The following MAST2 variants were observed in gnomAD, a reference collection of about 807,000 sequenced individuals.
The protein encoded by MAST2 is microtubule associated serine/threonine kinase 2.
A neutral mutation model predicts 147.4 loss-of-function variants in MAST2; 70 were observed. The observed-to-expected ratio is 0.47, with a 90% confidence interval of 0.39 to 0.58. The LOEUF is 0.58. Among genes scored for constraint, MAST2 ranks in the 20% least tolerant of loss-of-function variants. MAST2 has a pLI of 0.00. For missense variants in MAST2, 2,080 were observed against 2,302.3 expected (o/e 0.90, Z 1.98); for synonymous variants, 869 against 896.8 (o/e 0.97, Z 0.55).
chr1:45,934,648 C>T (rs1295301199), intron 4 of MAST2, among the ~76,000 whole-genome samples: 1 of 152,258 alleles, frequency 6.6e-6, no homozygotes, highest in Non-Finnish European at 1.5e-5. Context: ...TGGTCTCAAA[C>T]TCTGCCTCAA....
intron 10 of MAST2, among the ~76,000 whole-genome samples, chr1:46,015,803 G>A (rs1489758735): frequency 1.3e-5 from 2 of 152,082 alleles, no homozygotes; most frequent in Non-Finnish European, 2.9e-5. Context: ...GAAAAAGAGG[G>A]AATCCTCCCT....
chr1:45,873,320 A>G (rs569326500), intron 3 of MAST2, among the ~76,000 whole-genome samples: 1 of 151,830 alleles, frequency 6.6e-6, no homozygotes, highest in African/African-American at 2.4e-5. Flanking sequence ...GGTCCCCTGA[A>G]TAGTTGGGAC....
At chr1:46,019,807 A>G (rs1646109652) in intron 11 of MAST2, 110 bp downstream of exon 11, 2 of 902,482 alleles carry the variant, frequency 2.2e-6, no homozygotes, top group Non-Finnish European at 3.5e-6. Flanking sequence ...TCTGTTGCTT[A>G]GGTCCTTATT....
chr1:45,888,837 C>A (rs554915208), intron 4 of MAST2, among the ~76,000 whole-genome samples: 4 of 151,566 alleles, frequency 2.6e-5, no homozygotes, highest in African/African-American at 9.7e-5. Context: ...GTGTGCACCA[C>A]GCCTGGCTAA....
intron 3 of MAST2, among the ~76,000 whole-genome samples, chr1:45,853,718 T>C (rs1192718405): frequency 6.6e-6 from 1 of 151,350 alleles, no homozygotes; most frequent in Non-Finnish European, 1.5e-5. Flanking sequence ...TACAATCTCT[T>C]TTTTTTTTCA....
In MAST2 at chr1:46,035,074, G is replaced by A; in HGVS notation, c.4405G>A (p.Val1469Met). The change falls in exon 29 of 29, where the codon GTG (valine) becomes ATG (methionine). Residue 1469 changes from valine (V) to methionine (M), a missense_variant. Val to Met is a conservative substitution (Grantham distance 21). Around this residue, in one of 4 missense-constraint regions of MAST2, gnomAD observed 1,278 missense variants for 1,304.2 expected, o/e 0.98. Coordinates refer to ENST00000361297, the MANE Select transcript of MAST2 (RefSeq NM_015112.3). The surrounding 1 kb of genome is among the most constrained non-coding windows in gnomAD (Gnocchi z 5.5). The part of the protein sequence containing the change: ...SGKGALPGKG[V>M]LQPAPSRALG... ...CAAGGGGGCCCTGCCAGGGAAGGGG[G>A]TGCTGCAGCCTGCTCCCTCACGGGC... 1 of 1,613,792 alleles carries A rather than the reference G, an allele frequency of 6.2e-7. No individual in the cohort carries two copies. The highest frequency in any genetic ancestry group is 8.5e-7 in the Non-Finnish European group (1 of 1,179,962).
At chr1:45,883,074 C>T (rs1646918254) in intron 4 of MAST2, among the ~76,000 whole-genome samples, 2 of 152,072 alleles carry the variant, frequency 1.3e-5, no homozygotes, top group African/African-American at 4.8e-5. Flanking sequence ...GGCCCAAAAA[C>T]CTGTACTGTA....
chr1:45,980,229 C>T (rs997927659), intron 5 of MAST2, among the ~76,000 whole-genome samples: 3 of 144,678 alleles, frequency 2.1e-5, no homozygotes, highest in Non-Finnish European at 4.5e-5. Flanking sequence ...AGGTTGAAAT[C>T]GCCCCACTGC....
intron 4 of MAST2, among the ~76,000 whole-genome samples, chr1:45,902,573 A>C (rs539491695): frequency 6.6e-6 from 1 of 151,168 alleles, no homozygotes; most frequent in African/African-American, 2.4e-5. Context: ...TTCTTTGTAC[A>C]TCTGGTAGAA....
intron 3 of MAST2, among the ~76,000 whole-genome samples, chr1:45,879,467 A>T (rs969857296): frequency 1.3e-5 from 2 of 150,588 alleles, no homozygotes; most frequent in African/African-American, 4.9e-5. Flanking sequence ...CAGCTACTTG[A>T]GAGGCTGGGG....
intron 4 of MAST2, among the ~76,000 whole-genome samples, chr1:45,926,901 A>G (rs1048419293): frequency 2.6e-5 from 4 of 152,192 alleles, no homozygotes; most frequent in African/African-American, 9.7e-5. Flanking sequence ...CTAGATGCCA[A>G]ATGGTTGCTC....
intron 4 of MAST2, among the ~76,000 whole-genome samples, chr1:45,958,652 A>G (rs910626202): frequency 5.3e-5 from 8 of 151,494 alleles, no homozygotes; most frequent in Non-Finnish European, 1.0e-4. Context: ...TTTGTTCCCT[A>G]CTGCTTCCCT....
At chr1:45,894,193 G>T (rs1648335701) in intron 4 of MAST2, among the ~76,000 whole-genome samples, 1 of 151,390 alleles carries the variant, frequency 6.6e-6, no homozygotes. Context: ...TCTAGCCTGG[G>T]TGACAGTGAG....
chr1:46,031,530 C>T lies in MAST2; in HGVS notation c.3132C>T (p.Val1044=), dbSNP rs1360073715. 2 of 1,614,172 alleles carry T rather than the reference C, an allele frequency of 1.2e-6. No homozygotes were observed. Among genetic ancestry groups the T allele is most frequent in the African/African-American group, 2.7e-5 (2 of 75,048 alleles). ...DSTEKRTARP[V]NKVIKSASAT... The stretch of plus-strand genomic sequence containing the variant: ...CAGAGAAGCGCACTGCTCGCCCTGT[C>T]AACAAAGTGATCAAGTCCGCCTCAG... The change falls in exon 24 of 29, where the codon GTC becomes GTT. Residue 1044 remains valine, a synonymous_variant. Transcript: ENST00000361297. This position sits in a 1 kb window ranked among gnomAD's most constrained non-coding sequence, Gnocchi z 4.1.
chr1:45,810,394 C>T (rs777295655), intron 1 of MAST2, among the ~76,000 whole-genome samples: 13 of 152,196 alleles, frequency 8.5e-5, no homozygotes, highest in East Asian at 3.9e-4. Context: ...AGGGAAGCTG[C>T]GTAATATATA....
intron 5 of MAST2, among the ~76,000 whole-genome samples, chr1:45,965,046 T>G (rs918288765): frequency 6.6e-6 from 1 of 152,230 alleles, no homozygotes; most frequent in Non-Finnish European, 1.5e-5. Flanking sequence ...AGTTTCTTAA[T>G]CCTGAGTTCT....
intron 3 of MAST2, among the ~76,000 whole-genome samples, chr1:45,831,909 A>G (rs950691517): frequency 1.3e-5 from 2 of 151,226 alleles, no homozygotes; most frequent in Admixed American, 1.3e-4. Context: ...CCTCCCAAGT[A>G]GCTGGGATTA....
intron 3 of MAST2, among the ~76,000 whole-genome samples, chr1:45,877,505 T>A (rs1164935409): frequency 6.6e-6 from 1 of 152,128 alleles, no homozygotes; most frequent in African/African-American, 2.4e-5. Flanking sequence ...AAGTCCAATG[T>A]GAATTTTGGA....
At chr1:45,938,232 G>C (rs1475740656) in intron 4 of MAST2, among the ~76,000 whole-genome samples, 2 of 152,194 alleles carry the variant, frequency 1.3e-5, no homozygotes, top group African/African-American at 4.8e-5. Flanking sequence ...CATTAATGGT[G>C]CTGTGTACAT....
Sources: allele counts gnomAD v4.1 joint callset (sites outside exome capture counted in the v4.1 genomes callset), GRCh38; gene constraint gnomAD v4.1.1; regional missense constraint gnomAD v4.1.1; non-coding constraint Gnocchi (gnomAD v3.1); transcripts MANE v1.5; gene names NCBI Gene and HGNC (gene_info 2026-07-23, HGNC 2026-07-21).